The following SPATA16 variants were observed in gnomAD, a reference collection of about 807,000 sequenced individuals.
SPATA16 encodes spermatogenesis associated 16, also known as spermatogenesis-associated protein 16.
SPATA16 carries 36 observed loss-of-function variants against 63.3 expected under a neutral mutation model. The observed-to-expected ratio is 0.57, with a 90% confidence interval of 0.44 to 0.75. The LOEUF is 0.75. Ranked by LOEUF, SPATA16 falls within the 30% of genes least tolerant of loss-of-function variation. SPATA16 has a pLI of 0.00. For synonymous variants in SPATA16, 203 were observed against 216.7 expected (o/e 0.94, Z 0.56); for missense variants, 646 against 679.3 (o/e 0.95, Z 0.54).
intron 2 of SPATA16, among the ~76,000 whole-genome samples, chr3:173,116,320 T>C (rs887982229): frequency 2.6e-5 from 4 of 152,236 alleles, no homozygotes; most frequent in African/African-American, 9.6e-5. Context: ...ATAGTATGCA[T>C]TGAAATGTTT....
intron 4 of SPATA16, among the ~76,000 whole-genome samples, chr3:173,010,620 CCTGCAGACAGACAGCCAGA>C (rs1333736268): frequency 6.6e-6 from 1 of 152,152 alleles, no homozygotes; most frequent in Non-Finnish European, 1.5e-5. Flanking sequence ...CCGCAACTGC[CCTGCAGACAGACAGCCAGA>C]CTGCTTTTCG....
intron 2 of SPATA16, among the ~76,000 whole-genome samples, chr3:173,079,606 A>C (rs994474572): frequency 6.6e-6 from 1 of 152,172 alleles, no homozygotes; most frequent in Non-Finnish European, 1.5e-5. Context: ...CTTCTAAATA[A>C]AAATATTTTA....
intron 3 of SPATA16, among the ~76,000 whole-genome samples, chr3:173,045,558 A>G (rs1160122514): frequency 6.6e-6 from 1 of 152,152 alleles, no homozygotes; most frequent in African/African-American, 2.4e-5. Context: ...AGTAAGTACT[A>G]TTATAACCTA....
intron 3 of SPATA16, among the ~76,000 whole-genome samples, chr3:173,044,807 A>G (rs1316988203): frequency 6.6e-6 from 1 of 152,082 alleles, no homozygotes; most frequent in East Asian, 1.9e-4. Context: ...AGAGAATGCA[A>G]TGGCAGATAC....
chr3:173,119,796 A>T (rs1161631224), intron 1 of SPATA16, among the ~76,000 whole-genome samples: 1 of 151,960 alleles, frequency 6.6e-6, no homozygotes, highest in East Asian at 1.9e-4. Flanking sequence ...GCCAGGCGCG[A>T]TGGCTCACGC....
intron 3 of SPATA16, among the ~76,000 whole-genome samples, chr3:173,031,025 A>T (rs914285965): frequency 2.6e-5 from 4 of 152,086 alleles, no homozygotes; most frequent in African/African-American, 9.7e-5. Context: ...TACCTGGAGT[A>T]GTCAAATTTA....
chr3:173,104,565 CAG>C (rs1737575970), intron 2 of SPATA16, among the ~76,000 whole-genome samples: 1 of 152,082 alleles, frequency 6.6e-6, no homozygotes, highest in Admixed American at 6.6e-5. Flanking sequence ...AGGAGCAAGT[CAG>C]GGGGAGGTGC....
At chr3:172,996,510 AG>A (rs1734696025) in intron 4 of SPATA16, among the ~76,000 whole-genome samples, 1 of 152,126 alleles carries the variant, frequency 6.6e-6, no homozygotes, top group African/African-American at 2.4e-5. Flanking sequence ...GAGACACTTT[AG>A]GTTCAAAGCA....
intron 4 of SPATA16, among the ~76,000 whole-genome samples, chr3:172,977,366 G>A (rs1186416978): frequency 2.0e-5 from 3 of 152,068 alleles, no homozygotes; most frequent in African/African-American, 4.8e-5. Flanking sequence ...CCTATATTAA[G>A]CTTCAAAGCC....
chr3:173,021,726 ATTTATTTATTTATT>A, intron 3 of SPATA16, among the ~76,000 whole-genome samples: 2 of 92,268 alleles, frequency 2.2e-5, no homozygotes, highest in Non-Finnish European at 4.2e-5. Context: ...ATTACTTTTT[ATTTATTTATTTATT>A]TATTTATTTA....
At chr3:173,115,313 C>T (rs1328822018) in intron 2 of SPATA16, among the ~76,000 whole-genome samples, 1 of 152,034 alleles carries the variant, frequency 6.6e-6, no homozygotes, top group Admixed American at 6.5e-5. Context: ...TTTTTTCTTG[C>T]CAAAATGATT....
chr3:172,889,624 A>G lies in SPATA16; in HGVS notation c.1656T>C (p.Thr552=), dbSNP rs747139144. 6.2e-7 allele frequency: 1 copy of G among 1,613,892 alleles called. No individual in the cohort carries two copies. The highest frequency in any genetic ancestry group is 1.7e-5 in the Admixed American group (1 of 60,012). ...TCATTTTTGTTTTTTGCCTTCGAGC[A>G]GTTCTCAGTTTTTTAGTTTTTAAGA... ...DSFLKTKKLR[T]ARRQKTKMKR... Residue 552 remains threonine (T), a synonymous_variant, in exon 11 of 11, where the codon ACT becomes ACC. Coordinates refer to ENST00000351008, the MANE Select transcript of SPATA16 (RefSeq NM_031955.6).
chr3:173,118,640 TA>T (rs1406871711), intron 1 of SPATA16, among the ~76,000 whole-genome samples: 2 of 152,186 alleles, frequency 1.3e-5, no homozygotes, highest in African/African-American at 4.8e-5. Flanking sequence ...CTTTGTGGAG[TA>T]AATAGGAACA....
chr3:173,082,190 G>A (rs1198855318), intron 2 of SPATA16, among the ~76,000 whole-genome samples: 1 of 152,112 alleles, frequency 6.6e-6, no homozygotes, highest in African/African-American at 2.4e-5. Flanking sequence ...GAATTCAAAG[G>A]AAGGCCCACA....
chr3:173,000,850 C>T (rs1734804990), intron 4 of SPATA16, among the ~76,000 whole-genome samples: 1 of 151,976 alleles, frequency 6.6e-6, no homozygotes, highest in South Asian at 2.1e-4. Flanking sequence ...ATTTCTGTTA[C>T]AGTGTTTTTG....
intron 3 of SPATA16, among the ~76,000 whole-genome samples, chr3:173,021,758 AT>A (rs1735337654): frequency 2.2e-5 from 3 of 134,224 alleles, no homozygotes; most frequent in Non-Finnish European, 4.8e-5. Context: ...TTATTTATTT[AT>A]TTATTTATTT....
At chr3:173,041,041 A>C (rs984850655) in intron 3 of SPATA16, among the ~76,000 whole-genome samples, 1 of 152,152 alleles carries the variant, frequency 6.6e-6, no homozygotes, top group African/African-American at 2.4e-5. Context: ...AATGAGTTGG[A>C]ATATTTAATG....
chr3:172,896,599 C>G (rs28843437), intron 10 of SPATA16, among the ~76,000 whole-genome samples: 14,766 of 152,220 alleles, frequency 0.097, 809 homozygotes, highest in African/African-American at 0.14. Context: ...TTCTCTGTGT[C>G]CTTACCAGCA....
chr3:173,015,618 T>C (rs1309476695), intron 4 of SPATA16, among the ~76,000 whole-genome samples: 1 of 152,212 alleles, frequency 6.6e-6, no homozygotes, highest in Non-Finnish European at 1.5e-5. Flanking sequence ...CTTATTGATA[T>C]AGCTGAATGG....
Sources: allele counts gnomAD v4.1 joint callset (sites outside exome capture counted in the v4.1 genomes callset), GRCh38; gene constraint gnomAD v4.1.1; transcripts MANE v1.5; gene names NCBI Gene and HGNC (gene_info 2026-07-23, HGNC 2026-07-21).